EIF2AK1: variants seen among roughly 807,000 people sequenced by gnomAD.
The protein encoded by EIF2AK1 is eukaryotic translation initiation factor 2-alpha kinase 1.
A neutral mutation model predicts 77.9 loss-of-function variants in EIF2AK1; 54 were observed. The observed-to-expected ratio is 0.69, with a 90% CI of 0.56 to 0.87. The LOEUF (loss-of-function observed/expected upper bound fraction) is 0.87. Among genes scored for constraint, EIF2AK1 ranks in the 40% least tolerant of loss-of-function variants. The pLI, the probability that EIF2AK1 is intolerant of heterozygous loss-of-function variation, is 0.00. For missense variants in EIF2AK1, 810 were observed against 768.6 expected (o/e 1.05, Z -0.64); for synonymous variants, 314 against 290.5 (o/e 1.08, Z -0.82).
At chr7:6,043,494 T>C (rs1788354139) in intron 7 of EIF2AK1, among the ~76,000 whole-genome samples, 1 of 152,192 alleles carries the variant, frequency 6.6e-6, no homozygotes, top group East Asian at 1.9e-4. Flanking sequence ...ATTGGCACGA[T>C]CTTGGCTCAC....
intron 9 of EIF2AK1, among the ~76,000 whole-genome samples, chr7:6,040,225 G>C (rs754926595): frequency 6.6e-6 from 1 of 151,992 alleles, no homozygotes; most frequent in Non-Finnish European, 1.5e-5. Context: ...GCTAATTTTT[G>C]TATTTTTAGT....
intron 11 of EIF2AK1, among the ~76,000 whole-genome samples, chr7:6,030,506 A>AT (rs1253807483): frequency 2.0e-5 from 3 of 151,804 alleles, no homozygotes; most frequent in Admixed American, 1.3e-4. Flanking sequence ...GAAAAAACTG[A>AT]TTTTTTTCTT....
At position 6,046,094 on chromosome 7, in the gene EIF2AK1, C is replaced by A; in HGVS notation, c.607G>T (p.Ala203Ser). 1 of 1,565,454 alleles carries A rather than the reference C, an allele frequency of 6.4e-7. No homozygotes were observed. The highest frequency in any genetic ancestry group is 8.6e-7 in the Non-Finnish European group (1 of 1,156,996). Reference sequence around the variant, plus strand: ...ACCTTCATGCAAACTGTTTTAGTTGCACCCTTAATCAGGATTTTTTTTATT... The same window carrying A: ...ACCTTCATGCAAACTGTTTTAGTTGAACCCTTAATCAGGATTTTTTTTATT... ...YAIKKILIKG[A>S]TKTVCMKVLR... Residue 203 changes from alanine to serine, a missense_variant, in exon 6 of 15, where the codon GCA (alanine) becomes TCA (serine). Transcript: ENST00000199389.
intron 2 of EIF2AK1, 67 bp from the exon 3 acceptor site, chr7:6,050,112 C>G: frequency 7.5e-7 from 1 of 1,340,242 alleles, no homozygotes; most frequent in South Asian, 1.3e-5. Context: ...TTAAAGTGTA[C>G]ACAGAGAATA....
chr7:6,023,165 A>G lies in EIF2AK1; in HGVS notation c.*1508T>C. On this transcript the variant is annotated 3_prime_UTR_variant, in exon 15 of 15. Coordinates refer to ENST00000199389, the MANE Select transcript of EIF2AK1 (RefSeq NM_014413.4). ...GTAAGCATCTTAGAGACAGACTGAA[A>G]ATGTGATGTTCTTCTTGAAAACACC... 1 of 1,024,404 alleles carries G rather than the reference A, an allele frequency of 9.8e-7. No individual in the cohort carries two copies. The allele number at this position is 1,024,404 out of a possible 1,614,324, so 63.5% of individuals were successfully genotyped here.
At position 6,054,742 on chromosome 7, in the gene EIF2AK1, T is replaced by C. The variant is rs1484153512; in HGVS notation, c.119-38A>G. Reference sequence around the variant, plus strand: ...AAGGAAAATATTTTTAAATTAATGGTAAACCTGTCTCATAATGACAAAACC... The same window carrying C: ...AAGGAAAATATTTTTAAATTAATGGCAAACCTGTCTCATAATGACAAAACC... On this transcript the variant is annotated intron_variant, in intron 1 of 14. Transcript: ENST00000199389. 2.6e-6 allele frequency: 4 copies of C among 1,549,472 alleles called. No individual in the cohort carries two copies. The African/African-American group carries it at 4.1e-5, about 16-fold the overall frequency.
At chr7:6,028,068 C>A in intron 13 of EIF2AK1, 1 of 361,956 alleles carries the variant, frequency 2.8e-6, no homozygotes, top group South Asian at 2.0e-5. Context: ...GTCTCAAAAA[C>A]AACAAATGAA....
At chr7:6,031,703 A>C in intron 11 of EIF2AK1, 1 of 1,015,664 alleles carries the variant, frequency 9.8e-7, no homozygotes, top group Non-Finnish European at 1.5e-6. Context: ...AGAATGAGAC[A>C]CGACTCCAGC....
intron 11 of EIF2AK1, chr7:6,031,587 C>T: frequency 6.4e-7 from 1 of 1,550,688 alleles, no homozygotes; most frequent in African/African-American, 1.4e-5. Flanking sequence ...TTACTTCTGA[C>T]CCAGGTACCC....
rs1488040043 is a variant in EIF2AK1, at chr7:6,027,953, C to T, written c.1530+662G>A. The T allele has an allele frequency of 2.2e-6, 1 of 453,952 alleles. No homozygotes were observed. Among genetic ancestry groups the T allele is most frequent in the South Asian group, 1.6e-5 (1 of 64,290 alleles). The allele number at this position is 453,952 out of a possible 1,614,324, so 28.1% of individuals were successfully genotyped here. ...AGCACAACTCTTGAAGTCACAGTTA[C>T]ATGGGAGGCTGAGGTGGGAGGATCA... On this transcript the variant is annotated intron_variant, in intron 13 of 14. Transcript: ENST00000199389. This position sits in a 1 kb window ranked among gnomAD's most constrained non-coding sequence, Gnocchi z 4.5.
rs511969 is a variant in EIF2AK1, at chr7:6,044,679, G to T, written c.631-18C>A. ...CGTAGGACCTAGAAAAGAAATGGAA[G>T]TAGATCTGCCTTTTGCTGATAACTT... is the stretch of plus-strand genomic sequence containing the variant. On this transcript the variant is annotated intron_variant, in intron 6 of 14. Transcript: ENST00000199389. 926,948 of 1,606,422 alleles carry T rather than the reference G, an allele frequency of 0.58. 269,552 individuals are homozygous for T. The highest frequency in any genetic ancestry group is 0.7 in the African/African-American group (52,393 of 74,798).
intron 2 of EIF2AK1, among the ~76,000 whole-genome samples, chr7:6,051,079 CAT>C: frequency 1.3e-5 from 2 of 152,258 alleles, no homozygotes; most frequent in East Asian, 3.9e-4. Flanking sequence ...GGAGGGCAAA[CAT>C]ATGATGAGAA....
chr7:6,049,921 T>C lies in EIF2AK1; in HGVS notation c.402A>G (p.Arg134=), dbSNP rs1176425686. 3 of 1,608,872 alleles carry C rather than the reference T, an allele frequency of 1.9e-6. No individual in the cohort carries two copies. The highest frequency in any genetic ancestry group is 2.7e-5 in the African/African-American group (2 of 74,716). Residue 134 remains arginine (R), a synonymous_variant, in exon 3 of 15, where the codon AGA becomes AGG. Transcript: ENST00000199389. ...ITHLMRSAKE[R]VRQDPCEDIS... ...ATTTTTTAGGGCTTACCTGACGAAC[T>C]CTCTCTTTAGCAGACCTCATTAAGT...
chr7:6,032,551 C>T lies in EIF2AK1; in HGVS notation c.1333-3519G>A, dbSNP rs1246958186. ...AGTACCCTTAATATCACACCACAGG[C>T]TCTTCTGAAGAATCAACTTTCAAAA... On this transcript the variant is annotated intron_variant, in intron 11 of 14. Coordinates refer to ENST00000199389, the MANE Select transcript of EIF2AK1 (RefSeq NM_014413.4). This position sits in a 1 kb window ranked among gnomAD's most constrained non-coding sequence, Gnocchi z 4.3. 6.6e-6 allele frequency among the ~76,000 whole-genome samples: 1 copy of T among 152,230 alleles called. No homozygotes were observed. The highest frequency in any genetic ancestry group is 2.4e-5 in the African/African-American group (1 of 41,458).
rs1489093094 is a variant in EIF2AK1, at chr7:6,027,548, G to C, written c.1531-587C>G. Reference sequence around the variant, plus strand: ...AAAAGGAAGAAAATTTTACTAGCCTGTTGTTTTGAAAAATGGATTTTAGCA... The same window carrying C: ...AAAAGGAAGAAAATTTTACTAGCCTCTTGTTTTGAAAAATGGATTTTAGCA... On this transcript the variant is annotated intron_variant, in intron 13 of 14. Transcript: ENST00000199389. This position sits in a 1 kb window ranked among gnomAD's most constrained non-coding sequence, Gnocchi z 4.5. Among the ~76,000 whole-genome samples, 2 of 152,070 alleles carry C rather than the reference G, an allele frequency of 1.3e-5. No individual in the cohort carries two copies. Among genetic ancestry groups the C allele is most frequent in the African/African-American group, 4.8e-5 (2 of 41,398 alleles).
intron 8 of EIF2AK1, among the ~76,000 whole-genome samples, chr7:6,041,951 C>A (rs1447785406): frequency 6.6e-6 from 1 of 151,818 alleles, no homozygotes; most frequent in East Asian, 1.9e-4. Context: ...GAGTTCAACA[C>A]TAGCCTGAAC....
At chr7:6,058,704 G>T (rs1788864376) in intron 1 of EIF2AK1, among the ~76,000 whole-genome samples, 1 of 152,220 alleles carries the variant, frequency 6.6e-6, no homozygotes, top group Non-Finnish European at 1.5e-5. Context: ...CCATCCGAAG[G>T]CCTCAGTCCC....
At chr7:6,037,398 T>G (rs1449333235) in intron 11 of EIF2AK1, 26 bp downstream of exon 11, 1 of 1,489,826 alleles carries the variant, frequency 6.7e-7, no homozygotes, top group Admixed American at 1.7e-5. Context: ...CCCACTGCTT[T>G]CAATGATTTC....
At position 6,036,081 on chromosome 7, in the gene EIF2AK1, T is replaced by G. The variant is rs1211149938; in HGVS notation, c.1332+1343A>C. On this transcript the variant is annotated intron_variant, in intron 11 of 14. Coordinates refer to ENST00000199389, the MANE Select transcript of EIF2AK1 (RefSeq NM_014413.4). The surrounding 1 kb of genome is among the most constrained non-coding windows in gnomAD (Gnocchi z 4.6). Reference sequence around the variant, plus strand: ...AAACGGGGAATCTCCAATTTATATGTACCTTCAGCGCAGTTGCAATGTAAG... The same window carrying G: ...AAACGGGGAATCTCCAATTTATATGGACCTTCAGCGCAGTTGCAATGTAAG... The G allele has an allele frequency of 6.4e-7, 1 of 1,550,898 alleles. No individual in the cohort carries two copies. Among genetic ancestry groups the G allele is most frequent in the African/African-American group, 1.4e-5 (1 of 73,016 alleles).
Sources: gnomAD v4.1 joint callset for allele counts (sites outside exome capture counted in the v4.1 genomes callset) on GRCh38, gnomAD v4.1.1 for gene constraint, Gnocchi (gnomAD v3.1) non-coding constraint, MANE v1.5 for transcripts, NCBI Gene and HGNC (gene_info 2026-07-23, HGNC 2026-07-21) for gene names.